The following KIF16B variants were observed in gnomAD, a reference collection of about 807,000 sequenced individuals.
The protein encoded by KIF16B is kinesin family member 16B.
KIF16B carries 98 observed loss-of-function variants against 156.3 expected under a neutral mutation model. The ratio of observed to expected loss-of-function variants is 0.63; its 90% CI spans 0.53 to 0.74. The LOEUF (loss-of-function observed/expected upper bound fraction) is 0.74, where lower values mean the gene tolerates loss of function less well. Ranked by LOEUF, KIF16B falls within the 30% of genes least tolerant of loss-of-function variation. KIF16B has a pLI of 0.00. For missense variants in KIF16B, 1,421 were observed against 1,606.5 expected, an observed-to-expected ratio of 0.88 and a Z score of 1.97; for synonymous variants, 564 against 583.7, an observed-to-expected ratio of 0.97 and a Z score of 0.49.
intron 12 of KIF16B, among the ~76,000 whole-genome samples, chr20:16,443,573 G>A (rs941291614): frequency 6.6e-6 from 1 of 152,136 alleles, no homozygotes; most frequent in African/African-American, 2.4e-5. Context: ...GGATATAAAT[G>A]TGTATCTTGG....
At chr20:16,433,143 G>A (rs1168274482) in intron 12 of KIF16B, among the ~76,000 whole-genome samples, 1 of 152,114 alleles carries the variant, frequency 6.6e-6, no homozygotes, top group Non-Finnish European at 1.5e-5. Flanking sequence ...TATTACAGGG[G>A]AGAATTTAAT....
At chr20:16,464,906 A>G (rs1455494643) in intron 12 of KIF16B, among the ~76,000 whole-genome samples, 1 of 152,100 alleles carries the variant, frequency 6.6e-6, no homozygotes, top group Non-Finnish European at 1.5e-5. Flanking sequence ...TCCAAGCTGA[A>G]TATTTATCAG....
intron 25 of KIF16B, among the ~76,000 whole-genome samples, chr20:16,292,211 T>C (rs2063324131): frequency 6.6e-6 from 1 of 152,072 alleles, no homozygotes; most frequent in Non-Finnish European, 1.5e-5. Flanking sequence ...TTGCAGGGGA[T>C]TGCTGGTAAC....
intron 12 of KIF16B, among the ~76,000 whole-genome samples, chr20:16,431,661 G>A (rs2066503387): frequency 6.6e-6 from 1 of 152,046 alleles, no homozygotes; most frequent in East Asian, 1.9e-4. Flanking sequence ...CCCAATAGAT[G>A]CTAGCAACAC....
At chr20:16,554,737 G>T (rs1219778186) in intron 1 of KIF16B, among the ~76,000 whole-genome samples, 1 of 152,336 alleles carries the variant, frequency 6.6e-6, no homozygotes, top group Non-Finnish European at 1.5e-5. Context: ...CCCTGAGCCA[G>T]GGCTGTCACA....
chr20:16,291,109 C>CT (rs1337115747), intron 25 of KIF16B, among the ~76,000 whole-genome samples: 13 of 152,174 alleles, frequency 8.5e-5, no homozygotes, highest in Admixed American at 7.9e-4. Flanking sequence ...CAATGAATAG[C>CT]TATAGGCAAT....
chr20:16,493,242 A>G (rs569504793), intron 12 of KIF16B, among the ~76,000 whole-genome samples: 1 of 152,150 alleles, frequency 6.6e-6, no homozygotes, highest in Non-Finnish European at 1.5e-5. Flanking sequence ...CTCTGATCTC[A>G]TGAGATACAA....
At chr20:16,284,721 A>G (rs2063198338) in intron 25 of KIF16B, among the ~76,000 whole-genome samples, 2 of 152,134 alleles carry the variant, frequency 1.3e-5, no homozygotes, top group Admixed American at 1.3e-4. Flanking sequence ...AATTCTCCCT[A>G]CTACAGAACT....
intron 15 of KIF16B, among the ~76,000 whole-genome samples, chr20:16,408,194 C>T (rs1222033405): frequency 3.3e-5 from 5 of 152,084 alleles, no homozygotes; most frequent in East Asian, 1.9e-4. Context: ...TAAATAACAA[C>T]GACAGGGAGC....
chr20:16,399,362 C>T (rs2065592012), intron 17 of KIF16B, among the ~76,000 whole-genome samples: 1 of 152,162 alleles, frequency 6.6e-6, no homozygotes, highest in Admixed American at 6.5e-5. Flanking sequence ...AATACTACCA[C>T]CGTCCTGATT....
At chr20:16,552,243 G>A (rs886697848) in intron 1 of KIF16B, among the ~76,000 whole-genome samples, 1 of 152,108 alleles carries the variant, frequency 6.6e-6, no homozygotes, top group African/African-American at 2.4e-5. Flanking sequence ...CCTAACACAA[G>A]GAAGCCTTTA....
chr20:16,474,868 A>G (rs2067766707), intron 12 of KIF16B, among the ~76,000 whole-genome samples: 1 of 152,224 alleles, frequency 6.6e-6, no homozygotes, highest in South Asian at 2.1e-4. Flanking sequence ...TTGCTCTTGC[A>G]GCCAAATGCA....
intron 4 of KIF16B, among the ~76,000 whole-genome samples, chr20:16,513,796 T>C (rs964038122): frequency 1.3e-5 from 2 of 152,110 alleles, no homozygotes; most frequent in Admixed American, 6.6e-5. Flanking sequence ...TCAATAATGT[T>C]CATGTTTCAG....
chr20:16,522,731 A>G, intron 3 of KIF16B, among the ~76,000 whole-genome samples: 1 of 152,332 alleles, frequency 6.6e-6, no homozygotes, highest in Non-Finnish European at 1.5e-5. Flanking sequence ...TCTCTGCACT[A>G]CATCACACTT....
chr20:16,490,597 G>A (rs1233722772), intron 12 of KIF16B, among the ~76,000 whole-genome samples: 1 of 152,010 alleles, frequency 6.6e-6, no homozygotes, highest in African/African-American at 2.4e-5. Context: ...GATACACACA[G>A]GGAGACCAAG....
rs79600091 is a variant in KIF16B at position 16,350,159 on chromosome 20, C to T, written c.3621+6171G>A. ...TGATTAAAATCAGGAAAGCTTTTGT[C>T]CTGGACATCATGTGTGTGACCTAAG... On this transcript the variant is annotated intron_variant, in intron 23 of 25. Coordinates refer to ENST00000354981, the MANE Select transcript of KIF16B (RefSeq NM_024704.5). Among the ~76,000 whole-genome samples, 607 of 152,324 alleles carry T rather than the reference C, an allele frequency of 4.0e-3. 6 individuals are homozygous for T. The highest frequency in any genetic ancestry group is 0.014 in the African/African-American group (567 of 41,572).
intron 2 of KIF16B, among the ~76,000 whole-genome samples, chr20:16,526,409 C>G (rs536008353): frequency 8.5e-5 from 13 of 152,260 alleles, no homozygotes; most frequent in Non-Finnish European, 1.5e-4. Flanking sequence ...CTATTCTGAC[C>G]TTTTCTTTTT....
At chr20:16,541,613 T>G (rs941121111) in intron 1 of KIF16B, among the ~76,000 whole-genome samples, 5 of 152,148 alleles carry the variant, frequency 3.3e-5, no homozygotes, top group African/African-American at 1.2e-4. Context: ...ACCTAAAAAA[T>G]TAGGCAAAGC....
In KIF16B at chr20:16,272,467, C is replaced by G. The variant is rs552984850; in HGVS notation, c.*786G>C. On this transcript the variant is annotated 3_prime_UTR_variant, in exon 26 of 26. Transcript: ENST00000354981. ...AATGTGAATAATACTTAAAAATATG[C>G]ATTTAGCTTTGCGTTCATTTTGTGC... 195 of 152,524 alleles carry G rather than the reference C, an allele frequency of 1.3e-3. No individual in the cohort carries two copies. Among genetic ancestry groups the G allele is most frequent in the Non-Finnish European group, 2.1e-3 (143 of 68,028 alleles). 9.4% of individuals were successfully genotyped at this position (152,524 alleles called of 1,614,324 possible). A position where few individuals can be genotyped will look rare whatever the true frequency, so the allele number is the denominator to read the frequency against.
Sources: allele counts gnomAD v4.1 joint callset (sites outside exome capture counted in the v4.1 genomes callset), GRCh38; gene constraint gnomAD v4.1.1; transcripts MANE v1.5; gene names NCBI Gene and HGNC (gene_info 2026-07-23, HGNC 2026-07-21).